Variants in ARHGAP10 observed in about 807,000 individuals in gnomAD.
ARHGAP10 encodes the protein Rho GTPase activating protein 10, also known as rho GTPase-activating protein 10.
In ARHGAP10, 87 loss-of-function variants were observed where a neutral mutation model predicts 108.6. That is an observed-to-expected ratio of 0.80 (90% CI 0.67 to 0.96). The LOEUF (loss-of-function observed/expected upper bound fraction) is 0.96. Ranked by LOEUF, ARHGAP10 falls within the 40% of genes least tolerant of loss-of-function variation. The pLI, the probability that ARHGAP10 is intolerant of heterozygous loss-of-function variation, is 0.00. For missense variants in ARHGAP10, 939 were observed against 954.5 expected (o/e 0.98, Z 0.21); for synonymous variants, 347 against 341.1 (o/e 1.02, Z -0.19).
rs1206087043 is a variant in ARHGAP10, at chr4:148,017,675, T to TG, written c.1717-5588_1717-5587insG. 3.3e-3 allele frequency among the ~76,000 whole-genome samples: 401 copies of TG among 120,472 alleles called. 11 individuals carry two copies. Among genetic ancestry groups the TG allele is most frequent in the South Asian group, 0.013 (39 of 3,076 alleles). 79.0% of individuals were successfully genotyped at this position (120,472 alleles called of 152,430 possible). A position where few individuals can be genotyped will look rare whatever the true frequency, so the allele number is the denominator to read the frequency against. ...AACTATATATATATATATATATATA[T>TG]ATATATATGTGTGTGTATGTAAAGG... On this transcript the variant is annotated intron_variant, in intron 18 of 22. Transcript: ENST00000336498.
intron 1 of ARHGAP10, among the ~76,000 whole-genome samples, chr4:147,744,913 A>G (rs1324493602): frequency 6.6e-6 from 1 of 152,118 alleles, no homozygotes; most frequent in Non-Finnish European, 1.5e-5. Flanking sequence ...CTGAATACCG[A>G]GGCTGCCGAG....
At chr4:147,766,813 TA>T in intron 1 of ARHGAP10, among the ~76,000 whole-genome samples, 1 of 5,696 alleles carries the variant, frequency 1.8e-4, no homozygotes, top group East Asian at 0.036. Flanking sequence ...TATATATATA[TA>T]TATATATATA....
intron 18 of ARHGAP10, among the ~76,000 whole-genome samples, chr4:148,021,569 A>AT (rs567743921): frequency 2.8e-3 from 427 of 152,006 alleles, no homozygotes; most frequent in Non-Finnish European, 4.2e-3. Context: ...CACAGGTGCC[A>AT]TTTTTTTTAT....
intron 3 of ARHGAP10, among the ~76,000 whole-genome samples, chr4:147,838,730 A>G (rs2126807075): frequency 6.6e-6 from 1 of 152,286 alleles, no homozygotes; most frequent in East Asian, 1.9e-4. Context: ...GATGGGGTTT[A>G]TGCCTTGTTG....
Position 147,876,604 on chromosome 4 carries a change from AAAAAC to A in ARHGAP10, c.832+1469_832+1473del, listed in dbSNP as rs140229379. ...CAAGACTCTGTCTCAAAAAAAGGAA[AAAAAC>A]AAAACAAAACAAAAAACCACCTCGA... On this transcript the variant is annotated intron_variant, in intron 8 of 22. Coordinates refer to ENST00000336498, the MANE Select transcript of ARHGAP10 (RefSeq NM_024605.4). Among the ~76,000 whole-genome samples, 269 of 152,302 alleles carry A rather than the reference AAAAAC, an allele frequency of 1.8e-3. 5 individuals carry two copies. In the East Asian group the frequency reaches 0.038, roughly 22 times the overall value.
At chr4:147,899,121 G>A (rs1402433097) in intron 10 of ARHGAP10, among the ~76,000 whole-genome samples, 20 of 152,300 alleles carry the variant, frequency 1.3e-4, no homozygotes, top group Admixed American at 5.2e-4. Context: ...CCTCATGAGC[G>A]CTTGAGGTCC....
rs182405747 is a variant in ARHGAP10 at position 148,065,007 on chromosome 4, G to T, written c.2272+500G>T. Among the ~76,000 whole-genome samples, 27 of 152,266 alleles carry T rather than the reference G, an allele frequency of 1.8e-4. No individual in the cohort carries two copies. The East Asian group carries it at 4.6e-3, about 26-fold the overall frequency. On this transcript the variant is annotated intron_variant, in intron 22 of 22. Transcript: ENST00000336498. ...ACAGTGTGTGAGTCTCCAGATTCGGGTATTGACTTTGCATATTGAAACAAG... is the reference window on the plus strand; with the variant it reads ...ACAGTGTGTGAGTCTCCAGATTCGGTTATTGACTTTGCATATTGAAACAAG...
intron 18 of ARHGAP10, among the ~76,000 whole-genome samples, chr4:147,976,839 A>G (rs1189925635): frequency 6.6e-6 from 1 of 152,204 alleles, no homozygotes; most frequent in Non-Finnish European, 1.5e-5. Flanking sequence ...CAGTATAGAC[A>G]AAGCACTGGG....
chr4:147,740,789 T>C (rs1382138572), intron 1 of ARHGAP10, among the ~76,000 whole-genome samples: 1 of 152,210 alleles, frequency 6.6e-6, no homozygotes, highest in Non-Finnish European at 1.5e-5. Flanking sequence ...AAGTTTGAGA[T>C]ACTTTAGAAA....
chr4:147,775,442 CTTCAGGGGCCAGT>C (rs1730246554), intron 1 of ARHGAP10, among the ~76,000 whole-genome samples: 1 of 152,216 alleles, frequency 6.6e-6, no homozygotes, highest in Non-Finnish European at 1.5e-5. Context: ...TAGGGGCCAG[CTTCAGGGGCCAGT>C]GACAGTTAAG....
chr4:147,952,117 C>T (rs577436746), intron 15 of ARHGAP10, among the ~76,000 whole-genome samples: 1 of 152,264 alleles, frequency 6.6e-6, no homozygotes, highest in East Asian at 1.9e-4. Context: ...AACTAATGGA[C>T]CATTTTATAG....
rs1402759834 is a variant in ARHGAP10 at position 147,732,284 on chromosome 4, G to C, written c.-18G>C. On this transcript the variant is annotated 5_prime_UTR_variant, in exon 1 of 23. Transcript: ENST00000336498. ...AGGAGCGCGCGGCCGTGCGCACCGC[G>C]CAGCGACCGCTGCCGTCATGGGGCT... The C allele has an allele frequency of 1.3e-6, 2 of 1,589,548 alleles. No homozygotes were observed. Among genetic ancestry groups the C allele is most frequent in the Admixed American group, 3.5e-5 (2 of 57,680 alleles).
At chr4:147,766,634 G>GTATATGTA (rs1553947588) in intron 1 of ARHGAP10, among the ~76,000 whole-genome samples, 2 of 136,404 alleles carry the variant, frequency 1.5e-5, no homozygotes, top group Non-Finnish European at 3.1e-5. Flanking sequence ...ATATATATAC[G>GTATATGTA]TATATACACA....
intron 15 of ARHGAP10, among the ~76,000 whole-genome samples, chr4:147,954,618 AC>A (rs1450841900): frequency 6.6e-6 from 1 of 151,998 alleles, no homozygotes. Context: ...GGCTGTACAG[AC>A]CGACACTTGT....
chr4:147,787,867 A>C (rs1730956070), intron 1 of ARHGAP10, among the ~76,000 whole-genome samples: 1 of 152,120 alleles, frequency 6.6e-6, no homozygotes, highest in Admixed American at 6.5e-5. Flanking sequence ...AATGTGAGGC[A>C]CCCGACCTGT....
At chr4:147,937,951 C>G (rs751772291) in intron 13 of ARHGAP10, among the ~76,000 whole-genome samples, 4 of 152,180 alleles carry the variant, frequency 2.6e-5, no homozygotes, top group Non-Finnish European at 5.9e-5. Context: ...TGTACTCCAG[C>G]CTGGGCAACA....
chr4:147,783,419 CAT>C (rs2126733412), intron 1 of ARHGAP10, among the ~76,000 whole-genome samples: 1 of 135,730 alleles, frequency 7.4e-6, no homozygotes, highest in African/African-American at 2.7e-5. Flanking sequence ...ATATAGCACA[CAT>C]TAAATTATGT....
chr4:147,904,347 G>A (rs1441115190), intron 10 of ARHGAP10, among the ~76,000 whole-genome samples: 6 of 151,798 alleles, frequency 4.0e-5, no homozygotes, highest in Admixed American at 1.3e-4. Flanking sequence ...TCGTCATTTA[G>A]CATTAGGTAT....
chr4:147,907,806 G>A (rs567912878), intron 11 of ARHGAP10, among the ~76,000 whole-genome samples: 15 of 152,238 alleles, frequency 9.9e-5, no homozygotes, highest in Middle Eastern at 3.4e-3. Context: ...TTTGGGTGTC[G>A]TCTTACCATA....
Sources: gnomAD v4.1 joint callset for allele counts (sites outside exome capture counted in the v4.1 genomes callset) on GRCh38, gnomAD v4.1.1 for gene constraint, MANE v1.5 for transcripts, NCBI Gene and HGNC (gene_info 2026-07-23, HGNC 2026-07-21) for gene names.